Variants in PAX5 observed in about 807,000 individuals in gnomAD.
PAX5 encodes paired box protein Pax-5.
PAX5 carries 9 observed loss-of-function variants against 43.7 expected under a neutral mutation model. That is an observed-to-expected ratio of 0.21 (90% CI 0.12 to 0.36). PAX5 has a LOEUF of 0.36. PAX5 is among the 10% of genes least tolerant of loss of function. PAX5 has a pLI of 1.00. For missense variants in PAX5, 383 were observed against 532.7 expected (o/e 0.72, Z 2.77); for synonymous variants, 228 against 214.3 (o/e 1.06, Z -0.56).
intron 8 of PAX5, among the ~76,000 whole-genome samples, chr9:36,872,800 C>T (rs1208808692): frequency 6.6e-6 from 1 of 152,216 alleles, no homozygotes; most frequent in Non-Finnish European, 1.5e-5. Flanking sequence ...AACAGGCAAC[C>T]CTGGCTCTCC....
chr9:36,983,711 G>A (rs565558996), intron 5 of PAX5, among the ~76,000 whole-genome samples: 26 of 152,086 alleles, frequency 1.7e-4, no homozygotes, highest in African/African-American at 6.3e-4. Flanking sequence ...TCAGCTCAAG[G>A]GATCCACCCC....
intron 7 of PAX5, among the ~76,000 whole-genome samples, chr9:36,905,039 G>A (rs1176561246): frequency 6.6e-6 from 1 of 152,202 alleles, no homozygotes; most frequent in Non-Finnish European, 1.5e-5. Context: ...TCTGACTGTA[G>A]GGTAATTGAG....
intron 1 of PAX5, among the ~76,000 whole-genome samples, chr9:37,033,290 G>A (rs893487030): frequency 2.0e-5 from 3 of 152,140 alleles, no homozygotes; most frequent in African/African-American, 2.4e-5. Context: ...TAAACACCAC[G>A]GATCTCCATA....
chr9:36,870,812 T>C (rs1825417206), intron 8 of PAX5, among the ~76,000 whole-genome samples: 1 of 152,114 alleles, frequency 6.6e-6, no homozygotes, highest in Non-Finnish European at 1.5e-5. Context: ...CACTCGTAAA[T>C]AATGTGATAA....
chr9:36,904,705 G>A lies in PAX5; in HGVS notation c.910+18650C>T, dbSNP rs187895568. 4.3e-4 allele frequency among the ~76,000 whole-genome samples: 65 copies of A among 152,272 alleles called. 1 individual carries two copies. The highest frequency in any genetic ancestry group is 7.6e-4 in the Non-Finnish European group (52 of 68,028). ...ATCTTGAATTCAAATGTGACTTTAT[G>A]CTAATCAAAGATATGTATGTGAGTG... On this transcript the variant is annotated intron_variant, in intron 7 of 9. Transcript: ENST00000358127.
chr9:37,034,088 CTTTT>C lies in PAX5; in HGVS notation c.-61_-58del, dbSNP rs368036487. On this transcript the variant is annotated 5_prime_UTR_variant, in exon 1 of 10. Coordinates refer to ENST00000358127, the MANE Select transcript of PAX5 (RefSeq NM_016734.3). ...GGGAAAAGTTTCCACTTTTTTGTGC[CTTTT>C]TTTTTCTTTTTTTTTTTTTTTTTTT... is the stretch of plus-strand genomic sequence containing the variant. 3 of 447,906 alleles carry C rather than the reference CTTTT, an allele frequency of 6.7e-6. No individual in the cohort carries two copies. The highest frequency in any genetic ancestry group is 4.1e-5 in the East Asian group (1 of 24,500). The allele number at this position is 447,906 out of a possible 1,614,324, so 27.7% of individuals were successfully genotyped here.
chr9:36,954,148 C>CT (rs1008069840), intron 6 of PAX5, among the ~76,000 whole-genome samples: 12 of 150,222 alleles, frequency 8.0e-5, no homozygotes, highest in Middle Eastern at 3.4e-3. Flanking sequence ...TCTCTTCTTA[C>CT]TTTTTTTTTT....
At chr9:36,961,644 T>C (rs1218052174) in intron 6 of PAX5, among the ~76,000 whole-genome samples, 1 of 152,224 alleles carries the variant, frequency 6.6e-6, no homozygotes, top group African/African-American at 2.4e-5. Flanking sequence ...ATTAATAGCC[T>C]GGTGTTGGTT....
At chr9:36,958,558 C>T (rs1833692975) in intron 6 of PAX5, among the ~76,000 whole-genome samples, 1 of 152,122 alleles carries the variant, frequency 6.6e-6, no homozygotes, top group Non-Finnish European at 1.5e-5. Flanking sequence ...ATACTACGGA[C>T]TGGAGAGAAG....
chr9:36,945,731 A>C (rs557309804), intron 6 of PAX5, among the ~76,000 whole-genome samples: 1 of 152,374 alleles, frequency 6.6e-6, no homozygotes, highest in Non-Finnish European at 1.5e-5. Flanking sequence ...CACTCTTTGA[A>C]TGAGATAGAG....
Position 36,833,774 on chromosome 9 carries a change from C to G in PAX5, c.*6786G>C, listed in dbSNP as rs118040228. 173 of 230,450 alleles carry G rather than the reference C, an allele frequency of 7.5e-4. 1 individual carries two copies. The East Asian group carries it at 0.01, about 14-fold the overall frequency. 14.3% of individuals were successfully genotyped at this position (230,450 alleles called of 1,614,324 possible). The stretch of plus-strand genomic sequence containing the variant: ...CAAAACATACACATTTTTTAAGAAG[C>G]ATTTTTTTTTTTCAATCCGTTGGAG... On this transcript the variant is annotated 3_prime_UTR_variant, in exon 10 of 10. Transcript: ENST00000358127.
At chr9:36,937,769 A>G (rs1831687256) in intron 6 of PAX5, among the ~76,000 whole-genome samples, 1 of 152,196 alleles carries the variant, frequency 6.6e-6, no homozygotes, top group Non-Finnish European at 1.5e-5. Context: ...AGATGTTGTT[A>G]ACTTTATCCT....
chr9:36,933,198 A>G (rs1031355335), intron 6 of PAX5, among the ~76,000 whole-genome samples: 18 of 152,118 alleles, frequency 1.2e-4, no homozygotes, highest in Non-Finnish European at 1.8e-4. Flanking sequence ...TAAAATAAAT[A>G]AAGTTAAACC....
intron 6 of PAX5, among the ~76,000 whole-genome samples, chr9:36,943,467 T>A (rs574866991): frequency 6.6e-6 from 1 of 151,938 alleles, no homozygotes; most frequent in East Asian, 1.9e-4. Context: ...ATAAAGCTGA[T>A]CTTACTTGCT....
intron 5 of PAX5, among the ~76,000 whole-genome samples, chr9:36,976,828 G>A (rs1299693952): frequency 1.3e-5 from 2 of 152,230 alleles, no homozygotes; most frequent in South Asian, 4.1e-4. Context: ...AAGGGCTGGT[G>A]ATTCCACATT....
At chr9:36,862,995 G>A (rs1824372512) in intron 8 of PAX5, among the ~76,000 whole-genome samples, 1 of 152,204 alleles carries the variant, frequency 6.6e-6, no homozygotes, top group African/African-American at 2.4e-5. Context: ...GACAAGTGGG[G>A]ACTGAGGTCC....
intron 4 of PAX5, among the ~76,000 whole-genome samples, chr9:37,003,299 A>G (rs1588198533): frequency 6.6e-6 from 1 of 152,044 alleles, no homozygotes; most frequent in African/African-American, 2.4e-5. Flanking sequence ...CAAACCGCAG[A>G]GTGCCCCTTC....
At chr9:36,870,810 A>G (rs1480477014) in intron 8 of PAX5, among the ~76,000 whole-genome samples, 1 of 152,178 alleles carries the variant, frequency 6.6e-6, no homozygotes, top group Non-Finnish European at 1.5e-5. Context: ...CGCACTCGTA[A>G]ATAATGTGAT....
At position 36,836,033 on chromosome 9, in the gene PAX5, T is replaced by C. The variant is rs1320633835; in HGVS notation, c.*4527A>G. 2 of 233,538 alleles carry C rather than the reference T, an allele frequency of 8.6e-6. No homozygotes were observed. Among genetic ancestry groups the C allele is most frequent in the Non-Finnish European group, 1.7e-5 (2 of 118,370 alleles). The allele number at this position is 233,538 out of a possible 1,614,324, so 14.5% of individuals were successfully genotyped here. On this transcript the variant is annotated 3_prime_UTR_variant, in exon 10 of 10. Coordinates refer to ENST00000358127, the MANE Select transcript of PAX5 (RefSeq NM_016734.3). ...GGCTTGGAGCTCAATTCTGGCTGAA[T>C]GTCATGAGGAGGGGGTGGCTGGAGC...
Sources: allele counts gnomAD v4.1 joint callset (sites outside exome capture counted in the v4.1 genomes callset), GRCh38; gene constraint gnomAD v4.1.1; transcripts MANE v1.5; gene names NCBI Gene and HGNC (gene_info 2026-07-23, HGNC 2026-07-21).